The following PCDHA6 variants were observed in gnomAD, a reference collection of about 807,000 sequenced individuals.
The protein encoded by PCDHA6 is protocadherin alpha-6.
A neutral mutation model predicts 60.3 loss-of-function variants in PCDHA6; 55 were observed. That is an observed-to-expected ratio of 0.91 (90% CI 0.73 to 1.14). The LOEUF (loss-of-function observed/expected upper bound fraction) is 1.14, where lower values mean the gene tolerates loss of function less well. Among genes scored for constraint, PCDHA6 ranks in the 50% most tolerant of loss-of-function variants. The pLI, the probability that PCDHA6 is intolerant of heterozygous loss-of-function variation, is 0.00. For synonymous variants in PCDHA6, 652 were observed against 557.9 expected, an observed-to-expected ratio of 1.17 and a Z score of -2.38; for missense variants, 1,327 against 1,256.5, an observed-to-expected ratio of 1.06 and a Z score of -0.85.
chr5:140,853,347 T>A, intron 1 of PCDHA6: 1 of 983,892 alleles, frequency 1.0e-6, no homozygotes. Context: ...TTAGCAAACA[T>A]GAACTCACAG....
At chr5:140,962,203 C>T (rs1431150597) in intron 1 of PCDHA6, among the ~76,000 whole-genome samples, 1 of 152,086 alleles carries the variant, frequency 6.6e-6, no homozygotes, top group African/African-American at 2.4e-5. Flanking sequence ...CTTCCTATCT[C>T]CTTATTGATC....
intron 1 of PCDHA6, among the ~76,000 whole-genome samples, chr5:140,846,674 T>TA (rs1434317760): frequency 1.3e-5 from 2 of 149,408 alleles, no homozygotes; most frequent in East Asian, 3.9e-4. Context: ...GCGCCCAGCC[T>TA]AAAATGCTTT....
intron 3 of PCDHA6, among the ~76,000 whole-genome samples, chr5:141,001,177 T>G (rs2097996689): frequency 6.6e-6 from 1 of 152,154 alleles, no homozygotes; most frequent in Non-Finnish European, 1.5e-5. Context: ...TAACGAGTTT[T>G]TACTTTGCAC....
intron 1 of PCDHA6, among the ~76,000 whole-genome samples, chr5:140,903,704 A>G (rs2070513598): frequency 6.6e-6 from 1 of 152,234 alleles, no homozygotes; most frequent in Admixed American, 6.5e-5. Context: ...AAATAGTAAT[A>G]AAATATACAA....
intron 1 of PCDHA6, chr5:140,857,748 C>T: frequency 6.3e-7 from 1 of 1,597,386 alleles, no homozygotes; most frequent in Middle Eastern, 1.8e-4. Flanking sequence ...CTGCTGGCGT[C>T]TCCCGCTGGC....
intron 1 of PCDHA6, among the ~76,000 whole-genome samples, chr5:140,936,813 T>C (rs1299896116): frequency 6.6e-6 from 1 of 152,216 alleles, no homozygotes; most frequent in Non-Finnish European, 1.5e-5. Flanking sequence ...TTAGCTATTT[T>C]TGGCCCTTTG....
At position 140,843,778 on chromosome 5, in the gene PCDHA6, G is replaced by C. The variant is rs2150366653; in HGVS notation, c.2394+13293G>C. 3.5e-6 allele frequency: 5 copies of C among 1,441,518 alleles called. No individual in the cohort carries two copies. The East Asian group carries it at 1.1e-4, about 33-fold the overall frequency. The allele number at this position is 1,441,518 out of a possible 1,614,324, so 89.3% of individuals were successfully genotyped here. A position where few individuals can be genotyped will look rare whatever the true frequency, so the allele number is the denominator to read the frequency against. On this transcript the variant is annotated intron_variant, in intron 1 of 3. Transcript: ENST00000529310. ...TGTGGAAATTGTAGTTACTTTAAAA[G>C]TGTTTCAGATTTAGTTTTTCACCGT...
chr5:140,843,756 G>T, intron 1 of PCDHA6: 5 of 1,503,398 alleles, frequency 3.3e-6, no homozygotes, highest in Admixed American at 1.9e-5. Flanking sequence ...TTCTATTTGT[G>T]GAAATTGTAG....
chr5:140,944,095 A>AT (rs2093609322), intron 1 of PCDHA6, among the ~76,000 whole-genome samples: 1 of 152,250 alleles, frequency 6.6e-6, no homozygotes. Context: ...GAGTAAGTTT[A>AT]TATCTCATGG....
intron 3 of PCDHA6, among the ~76,000 whole-genome samples, chr5:140,994,234 C>A (rs1285846864): frequency 4.6e-5 from 7 of 152,146 alleles, no homozygotes; most frequent in South Asian, 2.1e-4. Flanking sequence ...ATGTTATAAT[C>A]AATTCAAACC....
intron 1 of PCDHA6, among the ~76,000 whole-genome samples, chr5:140,935,894 C>CTT (rs55841305): frequency 0.3 from 41,439 of 136,538 alleles, 6,640 homozygotes; most frequent in East Asian, 0.49. Context: ...TCAATATTAT[C>CTT]TTTTTTTTTT....
intron 1 of PCDHA6, chr5:140,862,986 T>C (rs897931834): frequency 3.7e-6 from 2 of 546,930 alleles, no homozygotes; most frequent in Non-Finnish European, 3.6e-6. Flanking sequence ...GTGGCGAAGG[T>C]GCGCACGGTG....
At chr5:140,941,215 C>CTTTCTTTCTTTCTT (rs2092887387) in intron 1 of PCDHA6, among the ~76,000 whole-genome samples, 1 of 104,510 alleles carries the variant, frequency 9.6e-6, no homozygotes, top group African/African-American at 3.7e-5. Context: ...TTCTTTCTTC[C>CTTTCTTTCTTTCTT]TTTCTTTCTT....
intron 1 of PCDHA6, chr5:140,835,483 C>G: frequency 3.1e-6 from 5 of 1,613,956 alleles, no homozygotes; most frequent in Non-Finnish European, 4.2e-6. Context: ...CAACCAGGTA[C>G]CGTCATCACA....
At chr5:140,859,459 C>G (rs1379028308) in intron 1 of PCDHA6, 1 of 216,756 alleles carries the variant, frequency 4.6e-6, no homozygotes, top group Non-Finnish European at 8.9e-6. Context: ...AGTGACAAAA[C>G]TACACTATCA....
rs868923213 is a variant in PCDHA6 at position 140,920,059 on chromosome 5, G to C, written c.2395-58890G>C. 3.9e-5 allele frequency among the ~76,000 whole-genome samples: 6 copies of C among 152,144 alleles called. No individual in the cohort carries two copies. The South Asian group carries it at 6.2e-4, about 16-fold the overall frequency. The stretch of plus-strand genomic sequence containing the variant: ...GTGATGTCAACAGCCACCAACACCT[G>C]GAAAAGGCAGAAACAGATTCTCCGT... On this transcript the variant is annotated intron_variant, in intron 1 of 3. Transcript: ENST00000529310.
rs146333783 is a variant in PCDHA6 at position 140,850,797 on chromosome 5, G to T, written c.2394+20312G>T. On this transcript the variant is annotated intron_variant, in intron 1 of 3. Transcript: ENST00000529310. ...CTCTGGCGAGGGTAAGCAGAAGACC[G>T]ACCTCATGGCCTTCAGCCCGGGCCT... 279 of 1,598,230 alleles carry T rather than the reference G, an allele frequency of 1.7e-4. 20 individuals carry two copies. The highest frequency in any genetic ancestry group is 2.3e-4 in the Non-Finnish European group (264 of 1,167,772).
chr5:140,876,231 A>C (rs1428769390), intron 1 of PCDHA6: 4 of 1,614,004 alleles, frequency 2.5e-6, no homozygotes, highest in Non-Finnish European at 3.4e-6. Flanking sequence ...TGTTGTCTGA[A>C]AATGTCCAAA....
Position 140,828,034 on chromosome 5 carries a change from A to G in PCDHA6, c.-58A>G, listed in dbSNP as rs1202168939. Reference sequence around the variant, plus strand: ...TGGATTAATAAATTCCGGAACATACAGTATTTTATCTTTATGCGGAAGATC... The same window carrying G: ...TGGATTAATAAATTCCGGAACATACGGTATTTTATCTTTATGCGGAAGATC... On this transcript the variant is annotated 5_prime_UTR_variant, in exon 1 of 4. Transcript: ENST00000529310. The G allele has an allele frequency of 8.5e-6, 13 of 1,527,214 alleles. No individual in the cohort carries two copies. In the South Asian group the frequency reaches 9.2e-5, roughly 11 times the overall value. 94.6% of individuals were successfully genotyped at this position (1,527,214 alleles called of 1,614,324 possible). A position where few individuals can be genotyped will look rare whatever the true frequency, so the allele number is the denominator to read the frequency against.
Sources: gnomAD v4.1 joint callset for allele counts (sites outside exome capture counted in the v4.1 genomes callset) on GRCh38, gnomAD v4.1.1 for gene constraint, MANE v1.5 for transcripts, NCBI Gene and HGNC (gene_info 2026-07-23, HGNC 2026-07-21) for gene names.